The following PCDHA3 variants were observed in gnomAD, a reference collection of about 807,000 sequenced individuals.
The protein encoded by PCDHA3 is protocadherin alpha-3.
PCDHA3 carries 41 observed loss-of-function variants against 62.2 expected under a neutral mutation model. That is an observed-to-expected ratio of 0.66 (90% CI 0.51 to 0.86). The LOEUF (loss-of-function observed/expected upper bound fraction) is 0.86. PCDHA3 is among the 40% of genes least tolerant of loss of function. PCDHA3 has a pLI of 0.00. For missense variants in PCDHA3, 1,304 were observed against 1,241.2 expected (o/e 1.05, Z -0.76); for synonymous variants, 640 against 555.4 (o/e 1.15, Z -2.14).
Position 140,802,343 on chromosome 5 carries a change from T to A in PCDHA3, c.1146T>A (p.Asn382Lys), listed in dbSNP as rs925654009. Residue 382 changes from asparagine (N) to lysine (K), a missense_variant, in exon 1 of 4, where the codon AAT becomes AAA. By Grantham distance (94) the Asn-to-Lys change is moderately conservative. Coordinates refer to ENST00000522353, the MANE Select transcript of PCDHA3 (RefSeq NM_018906.3). The stretch of plus-strand genomic sequence containing the variant: ...TGTCCGACCGCGACTCAGGAGTCAA[T>A]GGACAGGTCACCTGCTCGCTGACGC... ...ISVSDRDSGVNGQVTCSLTPH... is the reference protein window; with the variant it reads ...ISVSDRDSGVKGQVTCSLTPH... 6.2e-7 allele frequency: 1 copy of A among 1,614,108 alleles called. No individual in the cohort carries two copies. Among genetic ancestry groups the A allele is most frequent in the East Asian group, 2.2e-5 (1 of 44,898 alleles).
chr5:140,999,687 A>G (rs1554256930), intron 3 of PCDHA3, among the ~76,000 whole-genome samples: 2 of 152,044 alleles, frequency 1.3e-5, no homozygotes, highest in Non-Finnish European at 2.9e-5. Flanking sequence ...AGAAAGAAGA[A>G]ATGTGATTTT....
intron 1 of PCDHA3, among the ~76,000 whole-genome samples, chr5:140,956,666 G>T (rs1232573740): frequency 6.6e-6 from 1 of 152,088 alleles, no homozygotes; most frequent in African/African-American, 2.4e-5. Flanking sequence ...GGCCTTAAAG[G>T]AGTTAGGGAG....
chr5:140,994,786 T>C (rs1219918332), intron 3 of PCDHA3, among the ~76,000 whole-genome samples: 4 of 152,086 alleles, frequency 2.6e-5, no homozygotes, highest in Non-Finnish European at 5.9e-5. Context: ...AAGGAAACAA[T>C]GCGTGCATGC....
chr5:140,921,289 A>G (rs2080153256), intron 1 of PCDHA3, among the ~76,000 whole-genome samples: 1 of 152,172 alleles, frequency 6.6e-6, no homozygotes, highest in African/African-American at 2.4e-5. Flanking sequence ...AAAACCTCAA[A>G]TTTGCTGAAT....
At chr5:140,999,980 C>G (rs1386394350) in intron 3 of PCDHA3, among the ~76,000 whole-genome samples, 1 of 152,076 alleles carries the variant, frequency 6.6e-6, no homozygotes, top group East Asian at 1.9e-4. Flanking sequence ...GCTCTAGCGG[C>G]CTCTGGGTAG....
chr5:140,966,373 T>G (rs1554228235), intron 1 of PCDHA3: 1 of 404,624 alleles, frequency 2.5e-6, no homozygotes, highest in African/African-American at 2.1e-5. Flanking sequence ...GGCTGAGCAG[T>G]CCGGGTTCGC....
chr5:140,993,523 CAG>C (rs111789518), intron 3 of PCDHA3, among the ~76,000 whole-genome samples: 1,510 of 145,458 alleles, frequency 0.01, 24 homozygotes, highest in African/African-American at 0.035. Flanking sequence ...GAGAGAGAGA[CAG>C]AGAGAGAGAG....
At chr5:140,941,221 T>TTCTTTCTTTCTTTCTTTCTTTCTC (rs2092905955) in intron 1 of PCDHA3, among the ~76,000 whole-genome samples, 1 of 131,536 alleles carries the variant, frequency 7.6e-6, no homozygotes, top group Admixed American at 7.9e-5. Context: ...CTTCCTTTCT[T>TTCTTTCTTTCTTTCTTTCTTTCTC]TCTTTCTTTC....
intron 1 of PCDHA3, chr5:140,870,474 C>T (rs1554164302): frequency 6.2e-7 from 1 of 1,614,218 alleles, no homozygotes; most frequent in Non-Finnish European, 8.5e-7. Context: ...TCGCACAGCC[C>T]GAGTACACCG....
Position 140,818,481 on chromosome 5 carries a change from C to T in PCDHA3, c.2394+14890C>T, listed in dbSNP as rs2150101403. ...AAACTTTCCTCCCACAAAGTTTTCA[C>T]TCACTTGATCTTGGATTTTAAAATC... On this transcript the variant is annotated intron_variant, in intron 1 of 3. Coordinates refer to ENST00000522353, the MANE Select transcript of PCDHA3 (RefSeq NM_018906.3). 3.2e-4 allele frequency among the ~76,000 whole-genome samples: 49 copies of T among 152,332 alleles called. 1 individual carries two copies. Among genetic ancestry groups the T allele is most frequent in the South Asian group, 2.7e-3 (13 of 4,828 alleles).
intron 1 of PCDHA3, chr5:140,871,248 G>C (rs782440984): frequency 7.2e-5 from 117 of 1,613,852 alleles, no homozygotes; most frequent in Non-Finnish European, 9.5e-5. Context: ...TCACGCTGCT[G>C]CTGTATACGG....
intron 3 of PCDHA3, among the ~76,000 whole-genome samples, chr5:141,009,383 C>T (rs2098407441): frequency 6.6e-6 from 1 of 152,198 alleles, no homozygotes; most frequent in African/African-American, 2.4e-5. Flanking sequence ...TGATTGAGCA[C>T]AGGAGGTCGA....
chr5:140,883,506 T>A (rs782204819), intron 1 of PCDHA3: 1 of 1,614,078 alleles, frequency 6.2e-7, no homozygotes, highest in Non-Finnish European at 8.5e-7. Context: ...GACAGCGCCC[T>A]GGACCGCGAG....
intron 1 of PCDHA3, chr5:140,849,568 C>G: frequency 1.3e-6 from 2 of 1,598,620 alleles, no homozygotes; most frequent in Non-Finnish European, 1.7e-6. Flanking sequence ...CTCTCGGTTC[C>G]TGTAAAAGAG....
At chr5:140,868,958 T>C (rs1033698977) in intron 1 of PCDHA3, 1 of 1,397,386 alleles carries the variant, frequency 7.2e-7, no homozygotes, top group African/African-American at 1.4e-5. Context: ...GGCACTCCCA[T>C]ACAAAGGAAC....
chr5:140,840,181 T>C (rs1398905291), intron 1 of PCDHA3, among the ~76,000 whole-genome samples: 1 of 151,970 alleles, frequency 6.6e-6, no homozygotes, highest in African/African-American at 2.4e-5. Context: ...AAATTTTAAA[T>C]ATGGTAGGCA....
intron 1 of PCDHA3, chr5:140,856,875 T>A: frequency 1.9e-6 from 3 of 1,595,778 alleles, no homozygotes; most frequent in Non-Finnish European, 2.6e-6. Context: ...AACAAGGAAA[T>A]GATGTATTCA....
chr5:140,850,425 C>T (rs2150483747), intron 1 of PCDHA3: 2 of 1,597,932 alleles, frequency 1.3e-6, no homozygotes, highest in Non-Finnish European at 8.6e-7. Context: ...GGACGCACCG[C>T]GCCAGCGCCT....
chr5:140,883,443 A>G (rs2059611817), intron 1 of PCDHA3: 1 of 1,614,136 alleles, frequency 6.2e-7, no homozygotes. Flanking sequence ...TTGACGCCGC[A>G]TGTCCCCTTC....
Sources: gnomAD v4.1 joint callset for allele counts (sites outside exome capture counted in the v4.1 genomes callset) on GRCh38, gnomAD v4.1.1 for gene constraint, MANE v1.5 for transcripts, NCBI Gene and HGNC (gene_info 2026-07-23, HGNC 2026-07-21) for gene names.